The following SLFN12L variants were observed in gnomAD, a reference collection of about 807,000 sequenced individuals.
The protein encoded by SLFN12L is schlafen family member 12-like.
A neutral mutation model predicts 34.8 loss-of-function variants in SLFN12L; 34 were observed. That is an observed-to-expected ratio of 0.98 (90% CI 0.74 to 1.30). The LOEUF is 1.30. Ranked by LOEUF, SLFN12L falls within the 50% of genes most tolerant of loss-of-function variation. The pLI is 0.00. For missense variants in SLFN12L, 703 were observed against 696.2 expected, an observed-to-expected ratio of 1.01 and a Z score of -0.11; for synonymous variants, 259 against 247.5, an observed-to-expected ratio of 1.05 and a Z score of -0.44.
intron 2 of SLFN12L, among the ~76,000 whole-genome samples, chr17:35,511,570 T>TACACACACACACACACACACAC (rs1404940993): frequency 9.8e-6 from 1 of 101,622 alleles, no homozygotes; most frequent in African/African-American, 3.9e-5. Context: ...ACCTCGTCTC[T>TACACACACACACACACACACAC]ACACACACAC....
intron 2 of SLFN12L, chr17:35,499,809 T>C: frequency 5.0e-6 from 1 of 200,094 alleles, no homozygotes; most frequent in Non-Finnish European, 8.9e-6. Context: ...TCAACCTTTT[T>C]TGGTTTGTAA....
intron 2 of SLFN12L, among the ~76,000 whole-genome samples, chr17:35,504,470 G>T (rs1915401157): frequency 1.3e-5 from 2 of 152,236 alleles, no homozygotes; most frequent in African/African-American, 4.8e-5. Flanking sequence ...ATGCCTGGTT[G>T]AAATGGATCA....
At chr17:35,493,371 C>A (rs569028524) in intron 2 of SLFN12L, among the ~76,000 whole-genome samples, 5 of 152,290 alleles carry the variant, frequency 3.3e-5, no homozygotes, top group Non-Finnish European at 7.4e-5. Flanking sequence ...GGTTAGCTGC[C>A]TCTGCTTCCA....
intron 2 of SLFN12L, among the ~76,000 whole-genome samples, chr17:35,480,765 A>G (rs1027722747): frequency 1.3e-5 from 2 of 152,110 alleles, no homozygotes; most frequent in Non-Finnish European, 2.9e-5. Flanking sequence ...AGCAAAACAG[A>G]CCAACTCCTT....
chr17:35,517,384 T>C (rs1915862022), intron 2 of SLFN12L, among the ~76,000 whole-genome samples: 1 of 152,026 alleles, frequency 6.6e-6, no homozygotes, highest in Non-Finnish European at 1.5e-5. Context: ...AACCACTGCT[T>C]AAGGAAATAA....
At chr17:35,514,567 T>A (rs1915753807) in intron 2 of SLFN12L, among the ~76,000 whole-genome samples, 1 of 152,152 alleles carries the variant, frequency 6.6e-6, no homozygotes, top group Admixed American at 6.5e-5. Flanking sequence ...ACTTAAAAAA[T>A]GAAAAGATCT....
rs1266822417 is a variant in SLFN12L, at chr17:35,530,542, G to GAAAAGA, written c.-606+7030_-606+7031insTCTTTT. On this transcript the variant is annotated intron_variant, in intron 1 of 4. Coordinates refer to ENST00000628453, the MANE Select transcript of SLFN12L (RefSeq NM_001363830.2). ...GAAAAGAAAAGAAAAGAAAAGAAAA[G>GAAAAGA]AAAGAAAGAAAGAAAGAGAAAGGGA... Among the ~76,000 whole-genome samples the GAAAAGA allele has an allele frequency of 3.4e-3, 36 of 10,634 alleles. 3 individuals are homozygous for GAAAAGA. Among genetic ancestry groups the GAAAAGA allele is most frequent in the African/African-American group, 4.2e-3 (28 of 6,630 alleles). 7.0% of individuals were successfully genotyped at this position (10,634 alleles called of 152,430 possible).
chr17:35,525,063 C>A (rs1439887127), intron 1 of SLFN12L, among the ~76,000 whole-genome samples: 1 of 151,784 alleles, frequency 6.6e-6, no homozygotes, highest in Non-Finnish European at 1.5e-5. Context: ...GTGAAACATA[C>A]ACAAGTATCA....
Position 35,480,047 on chromosome 17 carries a change from T to C in SLFN12L, c.235A>G (p.Arg79Gly), listed in dbSNP as rs1914258185. 6.2e-7 allele frequency: 1 copy of C among 1,614,194 alleles called. No individual in the cohort carries two copies. The highest frequency in any genetic ancestry group is 8.5e-7 in the Non-Finnish European group (1 of 1,180,030). Residue 79 changes from arginine (R) to glycine (G), a missense_variant, in exon 3 of 5, where the codon AGA becomes GGA. Coordinates refer to ENST00000628453, the MANE Select transcript of SLFN12L (RefSeq NM_001363830.2). The stretch of plus-strand genomic sequence containing the variant: ...GAGACATTTTCATTCTGCTGTTTTC[T>C]CAGTTGACAATCCTTCATTTTTTTT... ...NRKKMKDCQL[R>G]KQQNENVSRA...
intron 2 of SLFN12L, among the ~76,000 whole-genome samples, chr17:35,501,238 G>A (rs753558731): frequency 2.0e-5 from 3 of 152,214 alleles, no homozygotes; most frequent in Non-Finnish European, 4.4e-5. Flanking sequence ...CTGGTGGAAT[G>A]CCTTGTTAGA....
At chr17:35,484,700 C>T (rs1914505741) in intron 2 of SLFN12L, among the ~76,000 whole-genome samples, 1 of 152,188 alleles carries the variant, frequency 6.6e-6, no homozygotes, top group African/African-American at 2.4e-5. Context: ...GTGCATTGCT[C>T]TCACTATCTG....
intron 1 of SLFN12L, among the ~76,000 whole-genome samples, chr17:35,530,508 G>GAAAGAAAGAAAGAAAAGAAAAGA (rs1555545979): frequency 3.1e-5 from 1 of 32,712 alleles, no homozygotes; most frequent in African/African-American, 7.9e-5. Context: ...AAGAAAGAAA[G>GAAAGAAAGAAAGAAAAGAAAAGA]AAAGAAAAGA....
intron 1 of SLFN12L, among the ~76,000 whole-genome samples, chr17:35,534,003 C>T (rs2072435448): frequency 6.6e-6 from 1 of 151,984 alleles, no homozygotes; most frequent in Non-Finnish European, 1.5e-5. Context: ...ACCTGGGAGG[C>T]AAAGTTTGCA....
intron 2 of SLFN12L, among the ~76,000 whole-genome samples, chr17:35,504,129 G>T (rs1915389955): frequency 6.6e-6 from 1 of 152,074 alleles, no homozygotes; most frequent in Admixed American, 6.5e-5. Context: ...ATACCCTGTG[G>T]GGACTTGCCA....
chr17:35,490,741 A>C, intron 2 of SLFN12L: 1 of 1,483,746 alleles, frequency 6.7e-7, no homozygotes, highest in South Asian at 1.1e-5. Context: ...TCGAAAAATT[A>C]GTGGCCTTAA....
Position 35,497,988 on chromosome 17 carries a change from A to G in SLFN12L, c.87-17793T>C, listed in dbSNP as rs61003896. On this transcript the variant is annotated intron_variant, in intron 2 of 4. Transcript: ENST00000628453. ...TCGCTTGAGCCAGGAGTTTGAGACC[A>G]GCCTGTACAACATAGCGAGACCCTG... Among the ~76,000 whole-genome samples the G allele has an allele frequency of 1.4e-3, 209 of 152,326 alleles. 2 individuals carry two copies. In the East Asian group the frequency reaches 0.039, roughly 28 times the overall value.
At chr17:35,503,927 G>A (rs944922717) in intron 2 of SLFN12L, among the ~76,000 whole-genome samples, 1 of 151,684 alleles carries the variant, frequency 6.6e-6, no homozygotes, top group Non-Finnish European at 1.5e-5. Flanking sequence ...AGCCAAGAAA[G>A]CACCACCCCC....
intron 1 of SLFN12L, among the ~76,000 whole-genome samples, chr17:35,531,446 C>T (rs1352256377): frequency 6.6e-6 from 1 of 152,094 alleles, no homozygotes; most frequent in Non-Finnish European, 1.5e-5. Context: ...ATTTTATGAC[C>T]ATTAAAACAA....
intron 2 of SLFN12L, among the ~76,000 whole-genome samples, chr17:35,519,135 C>A (rs1597876665): frequency 6.6e-6 from 1 of 152,022 alleles, no homozygotes; most frequent in South Asian, 2.1e-4. Context: ...GGGAGTTGAA[C>A]AATAAGAACA....
Sources: allele counts gnomAD v4.1 joint callset (sites outside exome capture counted in the v4.1 genomes callset), GRCh38; gene constraint gnomAD v4.1.1; transcripts MANE v1.5; gene names NCBI Gene and HGNC (gene_info 2026-07-23, HGNC 2026-07-21).